Variants in PTPA observed in about 807,000 individuals in gnomAD.
PTPA encodes serine/threonine-protein phosphatase 2A activator.
Under a neutral mutation model 43.6 loss-of-function variants are expected in PTPA, and 13 were observed. That is an observed-to-expected ratio of 0.30 (90% CI 0.19 to 0.47). The LOEUF (loss-of-function observed/expected upper bound fraction) is 0.47, where lower values mean the gene tolerates loss of function less well. PTPA is among the 20% of genes least tolerant of loss of function. The probability of loss-of-function intolerance (pLI) is 0.99; values close to 1 mark genes in which losing one functional copy is unlikely to be tolerated. For missense variants in PTPA, 329 were observed against 411.9 expected, an observed-to-expected ratio of 0.80 and a Z score of 1.74; for synonymous variants, 172 against 158.2, an observed-to-expected ratio of 1.09 and a Z score of -0.66.
At chr9:129,137,979 C>A in intron 8 of PTPA, 1 of 434,040 alleles carries the variant, frequency 2.3e-6, no homozygotes, top group Non-Finnish European at 4.4e-6. Context: ...ACTGCTGCAG[C>A]AGGTCTGAAA....
At chr9:129,112,909 C>G (rs1361808743) in intron 1 of PTPA, among the ~76,000 whole-genome samples, 1 of 150,162 alleles carries the variant, frequency 6.7e-6, no homozygotes, top group Non-Finnish European at 1.5e-5. Context: ...GCATTGCACT[C>G]CAGCCTGGAC....
chr9:129,147,616 C>G lies in PTPA; in HGVS notation c.*152C>G, dbSNP rs1234158457. On this transcript the variant is annotated 3_prime_UTR_variant, in exon 10 of 10. Coordinates refer to ENST00000393370, the MANE Select transcript of PTPA (RefSeq NM_178000.3). ...GGGTGGCGAGATGGGCTTGAGGGGG[C>G]TCAGAGCATAAGGCTTCAGGGCCCA... 3.6e-6 allele frequency: 3 copies of G among 823,976 alleles called. No homozygotes were observed. The highest frequency in any genetic ancestry group is 5.7e-6 in the Non-Finnish European group (3 of 529,624). 51.0% of individuals were successfully genotyped at this position (823,976 alleles called of 1,614,324 possible).
At chr9:129,133,945 C>T (rs1263702066) in intron 5 of PTPA, among the ~76,000 whole-genome samples, 2 of 152,238 alleles carry the variant, frequency 1.3e-5, no homozygotes, top group Non-Finnish European at 2.9e-5. Context: ...CTTGCCAGCT[C>T]ACATCTTTCA....
intron 9 of PTPA, among the ~76,000 whole-genome samples, chr9:129,144,889 T>C (rs1295497620): frequency 2.0e-5 from 3 of 151,666 alleles, no homozygotes; most frequent in Non-Finnish European, 4.4e-5. Flanking sequence ...AAAAATTAGC[T>C]GGGTGTGGTG....
chr9:129,116,462 C>T (rs1293872619), intron 1 of PTPA, among the ~76,000 whole-genome samples: 1 of 149,534 alleles, frequency 6.7e-6, no homozygotes, highest in East Asian at 2.0e-4. Flanking sequence ...TCTTGGCTCA[C>T]TGCAAGCTCC....
chr9:129,136,687 T>G (rs1172152607), intron 7 of PTPA, 92 bp downstream of exon 7: 7 of 1,402,386 alleles, frequency 5.0e-6, no homozygotes, highest in Non-Finnish European at 6.7e-6. Flanking sequence ...CTCCTTCCCT[T>G]CTTCCTGCCC....
chr9:129,133,876 T>C (rs1394001452), intron 5 of PTPA, among the ~76,000 whole-genome samples: 1 of 152,272 alleles, frequency 6.6e-6, no homozygotes, highest in Non-Finnish European at 1.5e-5. Context: ...CCTCAAGGCC[T>C]GTGCACATGC....
intron 5 of PTPA, among the ~76,000 whole-genome samples, chr9:129,132,478 A>G (rs187418543): frequency 7.9e-5 from 12 of 152,170 alleles, no homozygotes; most frequent in African/African-American, 2.9e-4. Flanking sequence ...ACCTGGGACT[A>G]CAGGTGTGCA....
intron 8 of PTPA, among the ~76,000 whole-genome samples, chr9:129,140,659 A>C (rs1385248373): frequency 6.6e-6 from 1 of 152,216 alleles, no homozygotes; most frequent in Non-Finnish European, 1.5e-5. Flanking sequence ...CAAAGCCGAC[A>C]GGGTGCCTCC....
intron 3 of PTPA, among the ~76,000 whole-genome samples, chr9:129,123,462 ACT>A (rs1849388628): frequency 2.1e-5 from 3 of 144,086 alleles, no homozygotes; most frequent in Admixed American, 1.3e-4. Context: ...ACAGAGCGAG[ACT>A]CTGTCTCAAA....
chr9:129,131,717 C>T, intron 5 of PTPA, 78 bp downstream of exon 5: 1 of 1,395,078 alleles, frequency 7.2e-7, no homozygotes, highest in Non-Finnish European at 1.0e-6. Flanking sequence ...TCTCTGGGCC[C>T]TCTGAGCAAG....
rs947594501 is a variant in PTPA at position 129,147,568 on chromosome 9, A to G, written c.*104A>G. ...CCCCTCCCTCTGTTCGTCCCGTTTG[A>G]TGAGAGGCTGTTTACTGGGGTGGGG... On this transcript the variant is annotated 3_prime_UTR_variant, in exon 10 of 10. Transcript: ENST00000393370. The G allele has an allele frequency of 8.9e-5, 111 of 1,250,702 alleles. 2 individuals are homozygous for G. In the South Asian group the frequency reaches 1.2e-3, roughly 14 times the overall value. 77.5% of individuals were successfully genotyped at this position (1,250,702 alleles called of 1,614,324 possible).
intron 6 of PTPA, among the ~76,000 whole-genome samples, chr9:129,136,246 C>T (rs1028342430): frequency 1.3e-5 from 2 of 152,194 alleles, no homozygotes; most frequent in African/African-American, 2.4e-5. Context: ...GGATTACAGG[C>T]GTGAGCCACC....
chr9:129,116,207 C>T (rs1189833181), intron 1 of PTPA, among the ~76,000 whole-genome samples: 3 of 149,564 alleles, frequency 2.0e-5, no homozygotes, highest in Admixed American at 1.3e-4. Flanking sequence ...TTATTTGAGG[C>T]GGAGTCTCGC....
At chr9:129,118,166 G>A (rs1438368840) in intron 1 of PTPA, among the ~76,000 whole-genome samples, 2 of 148,560 alleles carry the variant, frequency 1.3e-5, no homozygotes, top group Non-Finnish European at 3.0e-5. Context: ...CAATTCTCCT[G>A]CCTCAGCCTC....
At chr9:129,142,325 TGTGC>T in intron 8 of PTPA, 116 bp from the exon 9 acceptor site, 2 of 866,176 alleles carry the variant, frequency 2.3e-6, no homozygotes, top group South Asian at 3.9e-5. Flanking sequence ...GCGTGCATTG[TGTGC>T]GTGTGCGTTT....
intron 1 of PTPA, among the ~76,000 whole-genome samples, chr9:129,117,324 GGC>G (rs1329419186): frequency 6.6e-6 from 1 of 151,906 alleles, no homozygotes; most frequent in East Asian, 1.9e-4. Flanking sequence ...TGGGATTATA[GGC>G]GGGAGGCACT....
At chr9:129,142,756 C>T (rs1850978284) in intron 9 of PTPA, 2 of 1,536,540 alleles carry the variant, frequency 1.3e-6, no homozygotes, top group Non-Finnish European at 1.7e-6. Flanking sequence ...CCAGCCACCC[C>T]AGCCCCGAAA....
chr9:129,125,523 G>A (rs573566989), intron 3 of PTPA, among the ~76,000 whole-genome samples: 57 of 152,294 alleles, frequency 3.7e-4, no homozygotes, highest in African/African-American at 1.1e-3. Flanking sequence ...GATTGCAGGC[G>A]TGAGCTGCTG....
Sources: allele counts gnomAD v4.1 joint callset (sites outside exome capture counted in the v4.1 genomes callset), GRCh38; gene constraint gnomAD v4.1.1; transcripts MANE v1.5; gene names NCBI Gene and HGNC (gene_info 2026-07-23, HGNC 2026-07-21).